The following RBM23 variants were observed in gnomAD, a reference collection of about 807,000 sequenced individuals.
RBM23 encodes RNA binding motif protein 23.
In RBM23, 53 loss-of-function variants were observed where a neutral mutation model predicts 56.2. That is an observed-to-expected ratio of 0.94 (90% CI 0.76 to 1.19). The LOEUF (loss-of-function observed/expected upper bound fraction) is 1.19. Among genes scored for constraint, RBM23 ranks in the 50% most tolerant of loss-of-function variants. RBM23 has a pLI of 0.00. For missense variants in RBM23, 642 were observed against 590.3 expected, an observed-to-expected ratio of 1.09 and a Z score of -0.91; for synonymous variants, 197 against 198.5, an observed-to-expected ratio of 0.99 and a Z score of 0.06.
At position 22,893,882 on chromosome 14, in the gene RBM23, C is replaced by G. The variant is rs1398505838; in HGVS notation, c.*7848G>C. ...ATGTCAAGTTTCCACAGCTTAGTGG[C>G]CTTGAAAACTCCAGATGTGAATGCA... is the stretch of plus-strand genomic sequence containing the variant. On this transcript the variant is annotated 3_prime_UTR_variant, in exon 14 of 14. Transcript: ENST00000359890. 6.6e-6 allele frequency: 1 copy of G among 152,098 alleles called. No homozygotes were observed. The highest frequency in any genetic ancestry group is 1.5e-5 in the Non-Finnish European group (1 of 68,012). 9.4% of individuals were successfully genotyped at this position (152,098 alleles called of 1,614,324 possible).
Position 22,905,787 on chromosome 14 carries a change from C to T in RBM23, c.402-128G>A, listed in dbSNP as rs969056870. On this transcript the variant is annotated intron_variant, in intron 5 of 13. Transcript: ENST00000359890. ...TTTTTTAAGACAGGGTTTCCGCTGT[C>T]ACCCAGGCTGGAGTGCAGTGGCGCC... 3.9e-6 allele frequency: 3 copies of T among 765,540 alleles called. No homozygotes were observed. In the African/African-American group the frequency reaches 5.2e-5, roughly 13 times the overall value. 47.4% of individuals were successfully genotyped at this position (765,540 alleles called of 1,614,324 possible). A position where few individuals can be genotyped will look rare whatever the true frequency, so the allele number is the denominator to read the frequency against.
chr14:22,901,808 A>G lies in RBM23; in HGVS notation c.1316+6T>C. ...AGGCTAGAATGAGCTAGACCCTGAG[A>G]CTCACATGGTCTGGGGGGTAAAGAG... On this transcript the variant is annotated splice_donor_region_variant and intron_variant, in intron 13 of 13. Coordinates refer to ENST00000359890, the MANE Select transcript of RBM23 (RefSeq NM_001077351.2). 1.2e-6 allele frequency: 2 copies of G among 1,614,110 alleles called. No individual in the cohort carries two copies. The highest frequency in any genetic ancestry group is 1.7e-6 in the Non-Finnish European group (2 of 1,179,986).
Position 22,899,290 on chromosome 14 carries a change from T to G in RBM23, c.*2440A>C, listed in dbSNP as rs2040301746. On this transcript the variant is annotated 3_prime_UTR_variant, in exon 14 of 14. Coordinates refer to ENST00000359890, the MANE Select transcript of RBM23 (RefSeq NM_001077351.2). ...TGGTCCCTTTGTCTCATGTACTCATTTCTACCTTGTGCCCTTCTGACATGG... is the reference window on the plus strand; with the variant it reads ...TGGTCCCTTTGTCTCATGTACTCATGTCTACCTTGTGCCCTTCTGACATGG... The G allele has an allele frequency of 6.6e-6, 1 of 152,222 alleles. No individual in the cohort carries two copies. Among genetic ancestry groups the G allele is most frequent in the Non-Finnish European group, 1.5e-5 (1 of 68,064 alleles). 9.4% of individuals were successfully genotyped at this position (152,222 alleles called of 1,614,324 possible).
intron 1 of RBM23, chr14:22,917,633 A>G (rs2043781142): frequency 6.6e-6 from 1 of 150,788 alleles, no homozygotes; most frequent in Non-Finnish European, 1.5e-5. Context: ...GATGGTCGCG[A>G]TCTCCTGACC....
chr14:22,907,792 T>G (rs928011818), intron 4 of RBM23, among the ~76,000 whole-genome samples: 1 of 152,204 alleles, frequency 6.6e-6, no homozygotes, highest in African/African-American at 2.4e-5. Context: ...TGTGTATTAA[T>G]GCCCTTGAAG....
Position 22,901,435 on chromosome 14 carries a change from T to C in RBM23, c.*295A>G. ...AGAAATTGAGGAATCACTAAGGTGT[T>C]GGAAAGGGCAAGAAGGTAATCTCAG... is the stretch of plus-strand genomic sequence containing the variant. On this transcript the variant is annotated 3_prime_UTR_variant, in exon 14 of 14. Transcript: ENST00000359890. 1.9e-6 allele frequency: 1 copy of C among 539,152 alleles called. No individual in the cohort carries two copies. Among genetic ancestry groups the C allele is most frequent in the Non-Finnish European group, 3.3e-6 (1 of 302,454 alleles). 33.4% of individuals were successfully genotyped at this position (539,152 alleles called of 1,614,324 possible). A position where few individuals can be genotyped will look rare whatever the true frequency, so the allele number is the denominator to read the frequency against.
intron 1 of RBM23, among the ~76,000 whole-genome samples, chr14:22,915,695 C>A (rs370254798): frequency 1.3e-4 from 20 of 152,212 alleles, no homozygotes; most frequent in African/African-American, 4.8e-4. Context: ...AAAGTTTCAC[C>A]ATGTTGGCCA....
rs1160142665 is a variant in RBM23 at position 22,904,063 on chromosome 14, G to T, written c.930+198C>A. On this transcript the variant is annotated intron_variant, in intron 10 of 13. Coordinates refer to ENST00000359890, the MANE Select transcript of RBM23 (RefSeq NM_001077351.2). Reference sequence around the variant, plus strand: ...TGAACACCCCCATACCAGGGCCACTGACAGAGTGTAGGAGCAAAGCCAAGA... The same window carrying T: ...TGAACACCCCCATACCAGGGCCACTTACAGAGTGTAGGAGCAAAGCCAAGA... 4 of 1,514,712 alleles carry T rather than the reference G, an allele frequency of 2.6e-6. No homozygotes were observed. The African/African-American group carries it at 4.2e-5, about 16-fold the overall frequency. The allele number at this position is 1,514,712 out of a possible 1,614,324, so 93.8% of individuals were successfully genotyped here.
At position 22,902,070 on chromosome 14, in the gene RBM23, C is replaced by T. The variant is rs751844682; in HGVS notation, c.1156G>A (p.Ala386Thr). The T allele has an allele frequency of 1.9e-6, 3 of 1,612,822 alleles. No individual in the cohort carries two copies. Among genetic ancestry groups the T allele is most frequent in the South Asian group, 1.1e-5 (1 of 90,956 alleles). Residue 386 changes from alanine to threonine, a missense_variant, in exon 12 of 14, where the codon GCT becomes ACT. Coordinates refer to ENST00000359890, the MANE Select transcript of RBM23 (RefSeq NM_001077351.2). Reference sequence around the variant, plus strand: ...TGGGCGGCGGCGGCAGCAGCAGCAGCAGCAGTGCTTGGCAGTTGGATTCCA... The same window carrying T: ...TGGGCGGCGGCGGCAGCAGCAGCAGTAGCAGTGCTTGGCAGTTGGATTCCA... ...GAGIQLPSTA[A>T]AAAAAAAQAA...
intron 10 of RBM23, chr14:22,903,677 G>A (rs2041013811): frequency 1.0e-6 from 1 of 1,000,370 alleles, no homozygotes; most frequent in Non-Finnish European, 1.2e-6. Context: ...GTGGCTGGCA[G>A]CCAGTTCTCA....
At chr14:22,906,447 T>C in intron 4 of RBM23, 79 bp from the exon 5 acceptor site, 1 of 1,518,250 alleles carries the variant, frequency 6.6e-7, no homozygotes, top group Non-Finnish European at 9.0e-7. Context: ...AGTGGTCCCA[T>C]AAGATTATAA....
At chr14:22,917,894 G>A (rs1294507951) in intron 1 of RBM23, 1 of 152,250 alleles carries the variant, frequency 6.6e-6, no homozygotes, top group East Asian at 1.9e-4. Flanking sequence ...ACTGCTAAAG[G>A]AGCAGAGAGA....
At chr14:22,911,620 A>C (rs905123267) in intron 1 of RBM23, 1 of 356,626 alleles carries the variant, frequency 2.8e-6, no homozygotes, top group African/African-American at 2.1e-5. Flanking sequence ...GGCTTGGAAC[A>C]GTCAAGGATA....
intron 1 of RBM23, chr14:22,917,566 CTTTTTTGT>C (rs2043756668): frequency 6.6e-6 from 1 of 150,914 alleles, no homozygotes; most frequent in Non-Finnish European, 1.5e-5. Flanking sequence ...CTTTTTTCTT[CTTTTTTGT>C]TTTTTTTTTG....
At chr14:22,912,091 A>G (rs2042626178) in intron 1 of RBM23, among the ~76,000 whole-genome samples, 5 of 152,230 alleles carry the variant, frequency 3.3e-5, no homozygotes. Context: ...TCTCCACTCT[A>G]CTGTTCAAAA....
chr14:22,893,631 C>A lies in RBM23; in HGVS notation c.*8099G>T, dbSNP rs1231127573. 6.6e-6 allele frequency: 1 copy of A among 152,160 alleles called. No homozygotes were observed. Among genetic ancestry groups the A allele is most frequent in the Non-Finnish European group, 1.5e-5 (1 of 68,016 alleles). 9.4% of individuals were successfully genotyped at this position (152,160 alleles called of 1,614,324 possible). On this transcript the variant is annotated 3_prime_UTR_variant, in exon 14 of 14. Coordinates refer to ENST00000359890, the MANE Select transcript of RBM23 (RefSeq NM_001077351.2). ...TTGAGAGAAAGAAGGAAAAGCATTCCTTGTGGTCAAACTACATGAGCAAAT... is the reference window on the plus strand; with the variant it reads ...TTGAGAGAAAGAAGGAAAAGCATTCATTGTGGTCAAACTACATGAGCAAAT...
intron 10 of RBM23, 166 bp from the exon 11 acceptor site, chr14:22,902,548 T>A (rs2040748161): frequency 7.5e-7 from 1 of 1,340,372 alleles, no homozygotes; most frequent in African/African-American, 1.5e-5. Context: ...TCAAAATGGT[T>A]CTCTGAAAAG....
intron 1 of RBM23, among the ~76,000 whole-genome samples, chr14:22,915,800 T>A (rs1423655045): frequency 6.6e-6 from 1 of 152,232 alleles, no homozygotes. Flanking sequence ...GGCCTTCTAC[T>A]TCTTCCAGTA....
At position 22,910,574 on chromosome 14, in the gene RBM23, C is replaced by G. The variant is rs566289028; in HGVS notation, c.66+754G>C. 3.9e-4 allele frequency among the ~76,000 whole-genome samples: 58 copies of G among 149,114 alleles called. 1 individual carries two copies. Among genetic ancestry groups the G allele is most frequent in the African/African-American group, 1.4e-3 (57 of 40,148 alleles). ...AGGGAAAAGCAAGCAAGCAAGCAAG[C>G]AAATTGCTGTTAAGTGGGCCAGGTG... On this transcript the variant is annotated intron_variant, in intron 2 of 13. Transcript: ENST00000359890.
Sources: gnomAD v4.1 joint callset for allele counts (sites outside exome capture counted in the v4.1 genomes callset) on GRCh38, gnomAD v4.1.1 for gene constraint, MANE v1.5 for transcripts, NCBI Gene and HGNC (gene_info 2026-07-23, HGNC 2026-07-21) for gene names.